CREBBP: variants seen among roughly 807,000 people sequenced by gnomAD.
CREBBP encodes the protein CREB-binding protein.
In CREBBP, 19 loss-of-function variants were observed where a neutral mutation model predicts 265.0. That is an observed-to-expected ratio of 0.07 (90% confidence interval 0.05 to 0.11). The LOEUF (loss-of-function observed/expected upper bound fraction) is 0.11, where lower values mean the gene tolerates loss of function less well. CREBBP is among the 10% of genes least tolerant of loss of function. The pLI is 1.00. For missense variants in CREBBP, 2,525 were observed against 3,219.0 expected, an observed-to-expected ratio of 0.78 and a Z score of 5.22; for synonymous variants, 1,457 against 1,223.7, an observed-to-expected ratio of 1.19 and a Z score of -3.98.
chr16:3,845,259 T>C (rs1597043106), intron 2 of CREBBP, among the ~76,000 whole-genome samples: 2 of 152,148 alleles, frequency 1.3e-5, no homozygotes, highest in Admixed American at 6.5e-5. Flanking sequence ...CAGATAAATC[T>C]GATAAAGTGT....
In CREBBP at chr16:3,788,450, C is replaced by T. The variant is rs373886030; in HGVS notation, c.1330+3531G>A. On this transcript the variant is annotated intron_variant, in intron 5 of 30. Coordinates refer to ENST00000262367, the MANE Select transcript of CREBBP (RefSeq NM_004380.3). ...AACTTCACAAGTGAGGCAGCATAAGCCCCAAGAGGGGAACCTGCTCACGGG... is the reference window on the plus strand; with the variant it reads ...AACTTCACAAGTGAGGCAGCATAAGTCCCAAGAGGGGAACCTGCTCACGGG... 1.1e-3 allele frequency among the ~76,000 whole-genome samples: 170 copies of T among 152,348 alleles called. 1 individual carries two copies. Among genetic ancestry groups the T allele is most frequent in the African/African-American group, 3.2e-3 (132 of 41,574 alleles).
intron 1 of CREBBP, among the ~76,000 whole-genome samples, chr16:3,879,335 T>C (rs1008403516): frequency 6.6e-5 from 10 of 152,198 alleles, no homozygotes; most frequent in Non-Finnish European, 1.0e-4. Context: ...ACTTCGGTTC[T>C]AACTCGCAAG....
chr16:3,801,621 G>C (rs2053714395), intron 3 of CREBBP, among the ~76,000 whole-genome samples: 1 of 152,154 alleles, frequency 6.6e-6, no homozygotes, highest in Admixed American at 6.5e-5. Context: ...AGTGAGCAGA[G>C]ATTGCGCCAC....
At chr16:3,850,053 C>T (rs1037894795) in intron 2 of CREBBP, among the ~76,000 whole-genome samples, 2 of 152,146 alleles carry the variant, frequency 1.3e-5, no homozygotes, top group South Asian at 2.1e-4. Context: ...ACACATTAGG[C>T]CCTGTACTTT....
In CREBBP at chr16:3,769,218, T is replaced by C. The variant is rs1317506171; in HGVS notation, c.3016A>G (p.Thr1006Ala). 3.1e-6 allele frequency: 5 copies of C among 1,614,064 alleles called. No individual in the cohort carries two copies. In the East Asian group the frequency reaches 1.1e-4, roughly 36 times the overall value. The change falls in exon 15 of 31, where the codon ACT (threonine) becomes GCT (alanine). Residue 1006 changes from threonine to alanine, a missense_variant. Thr to Ala is a moderately conservative substitution (Grantham distance 58, BLOSUM62 0). This residue lies in a region of CREBBP where 548 missense variants were observed against 533.0 expected (regional missense o/e 1.03). Transcript: ENST00000262367. ...EMKTETQAED[T>A]EPDPGESKGE... ...TTGGATTCACCAGGATCGGGCTCAG[T>C]GTCCTCTGCTTGGGTCTCCGTCTTC...
chr16:3,808,005 C>G (rs1318790842), intron 3 of CREBBP, among the ~76,000 whole-genome samples: 1 of 152,056 alleles, frequency 6.6e-6, no homozygotes, highest in Admixed American at 6.5e-5. Context: ...TCTTGTGAGA[C>G]AGTGGCCACC....
rs563033919 is a variant in CREBBP at position 3,731,926 on chromosome 16, G to A, written c.4740C>T (p.Gly1580=). ...AASETTEGSQ[G]DSKNAKKKNN... is the part of the protein sequence containing the mutation. ...TCTTCTTCTTGGCATTCTTGCTGTC[G>A]CCCTGACTGCCCTGCAACAACACGC... The change falls in exon 29 of 31, where the codon GGC becomes GGT. Residue 1580 remains glycine, a synonymous_variant. Transcript: ENST00000262367. This position sits in a 1 kb window ranked among gnomAD's most constrained non-coding sequence, Gnocchi z 7.7. 39 of 1,614,072 alleles carry A rather than the reference G, an allele frequency of 2.4e-5. No homozygotes were observed. Among genetic ancestry groups the A allele is most frequent in the Non-Finnish European group, 3.0e-5 (35 of 1,180,054 alleles).
chr16:3,864,996 C>G (rs1340406775), intron 1 of CREBBP, among the ~76,000 whole-genome samples: 2 of 152,122 alleles, frequency 1.3e-5, no homozygotes, highest in Non-Finnish European at 2.9e-5. Flanking sequence ...GAGGTGGAGG[C>G]TGCAGTGAGC....
At chr16:3,787,717 T>C (rs900636148) in intron 5 of CREBBP, among the ~76,000 whole-genome samples, 18 of 152,106 alleles carry the variant, frequency 1.2e-4, no homozygotes, top group African/African-American at 4.1e-4. Context: ...TGGAGTGCAG[T>C]GGTGCGATCT....
intron 2 of CREBBP, among the ~76,000 whole-genome samples, chr16:3,813,636 C>T (rs1270086085): frequency 1.3e-5 from 2 of 152,044 alleles, no homozygotes; most frequent in African/African-American, 2.4e-5. Flanking sequence ...TTTCTGACTT[C>T]GGACAAAATA....
rs2151317583 is a variant in CREBBP, at chr16:3,731,455, G to A, written c.4909C>T (p.Leu1637=). ...GTGTTGATGACAGGCCCAGCGTGCAGGTGGATCACGAAGAAGACCTGCAGG... is the reference window on the plus strand; with the variant it reads ...GTGTTGATGACAGGCCCAGCGTGCAAGTGGATCACGAAGAAGACCTGCAGG... ...KHKEVFFVIH[L]HAGPVINTLP... The change falls in exon 30 of 31, where the codon CTG becomes TTG. Residue 1637 remains leucine (L), a synonymous_variant. Transcript: ENST00000262367. This position sits in a 1 kb window ranked among gnomAD's most constrained non-coding sequence, Gnocchi z 7.7. 6.3e-7 allele frequency: 1 copy of A among 1,591,786 alleles called. No homozygotes were observed.
chr16:3,876,777 C>T (rs2055412284), intron 1 of CREBBP, among the ~76,000 whole-genome samples: 1 of 152,198 alleles, frequency 6.6e-6, no homozygotes, highest in Non-Finnish European at 1.5e-5. Flanking sequence ...CCCTCATTCG[C>T]AGCACATTCC....
intron 23 of CREBBP, chr16:3,740,952 AAGTCCCTACTATGG>A: frequency 2.8e-6 from 1 of 352,992 alleles, no homozygotes; most frequent in South Asian, 2.2e-5. Flanking sequence ...TCTGAGGAGA[AAGTCCCTACTATGG>A]AGTCTGACGT....
intron 19 of CREBBP, among the ~76,000 whole-genome samples, chr16:3,754,474 GA>G (rs2052543916): frequency 6.6e-6 from 1 of 152,238 alleles, no homozygotes; most frequent in Admixed American, 6.5e-5. Flanking sequence ...GCAGCTTGAT[GA>G]ATATGGAATT....
At chr16:3,795,836 T>G (rs1412373135) in intron 3 of CREBBP, among the ~76,000 whole-genome samples, 1 of 152,172 alleles carries the variant, frequency 6.6e-6, no homozygotes, top group Non-Finnish European at 1.5e-5. Context: ...TATGAAAATT[T>G]CAAACATACA....
At chr16:3,876,425 A>C (rs1597094268) in intron 1 of CREBBP, among the ~76,000 whole-genome samples, 1 of 150,182 alleles carries the variant, frequency 6.7e-6, no homozygotes, top group Non-Finnish European at 1.5e-5. Context: ...AAAAAAAAAA[A>C]ACAACCCAGA....
At chr16:3,777,162 C>T (rs755402603) in intron 11 of CREBBP, among the ~76,000 whole-genome samples, 2 of 151,366 alleles carry the variant, frequency 1.3e-5, no homozygotes, top group East Asian at 1.9e-4. Flanking sequence ...GGTGAAACCC[C>T]GTCTCTATTA....
intron 1 of CREBBP, among the ~76,000 whole-genome samples, chr16:3,872,734 C>T (rs1461300137): frequency 6.6e-6 from 1 of 152,208 alleles, no homozygotes; most frequent in Non-Finnish European, 1.5e-5. Flanking sequence ...TGTGAGCAAG[C>T]CATGGGCCTA....
At position 3,810,639 on chromosome 16, in the gene CREBBP, A is replaced by C; in HGVS notation, c.939T>G (p.Asp313Glu). The C allele has an allele frequency of 6.2e-7, 1 of 1,613,614 alleles. No individual in the cohort carries two copies. The highest frequency in any genetic ancestry group is 8.5e-7 in the Non-Finnish European group (1 of 1,179,980). ...MVNSLPTFPT[D>E]IKNTSVTNVP... ...CGTTGGTGACTGAAGTATTCTTGAT[A>C]TCTGTAGGGAAGGTGGGCAAACTGT... Residue 313 changes from aspartate (D) to glutamate (E), a missense_variant, in exon 3 of 31, where the codon GAT (aspartate) becomes GAG (glutamate). Around this residue, in one of 19 missense-constraint regions of CREBBP, gnomAD observed 126 missense variants for 171.9 expected, o/e 0.73. Transcript: ENST00000262367.
Sources: allele counts gnomAD v4.1 joint callset (sites outside exome capture counted in the v4.1 genomes callset), GRCh38; gene constraint gnomAD v4.1.1; regional missense constraint gnomAD v4.1.1; non-coding constraint Gnocchi (gnomAD v3.1); transcripts MANE v1.5; gene names NCBI Gene and HGNC (gene_info 2026-07-23, HGNC 2026-07-21).